THRB: variants seen among roughly 807,000 people sequenced by gnomAD.
THRB encodes the protein nuclear receptor subfamily 1 group A member 2.
In THRB, 12 loss-of-function variants were observed where a neutral mutation model predicts 47.8. The ratio of observed to expected loss-of-function variants is 0.25; its 90% CI spans 0.16 to 0.41. THRB has a LOEUF of 0.41. THRB is among the 10% of genes least tolerant of loss of function. The pLI, the probability that THRB is intolerant of heterozygous loss-of-function variation, is 1.00. For synonymous variants in THRB, 218 were observed against 212.2 expected (o/e 1.03, Z -0.24); for missense variants, 348 against 589.2 (o/e 0.59, Z 4.24).
At chr3:24,310,667 T>C (rs1423862898) in intron 2 of THRB, among the ~76,000 whole-genome samples, 2 of 152,170 alleles carry the variant, frequency 1.3e-5, no homozygotes, top group African/African-American at 4.8e-5. Flanking sequence ...GATTCTCAAC[T>C]AGGGGAAATT....
chr3:24,204,941 G>T (rs1282201046), intron 4 of THRB, among the ~76,000 whole-genome samples: 2 of 152,154 alleles, frequency 1.3e-5, no homozygotes, highest in Non-Finnish European at 2.9e-5. Context: ...AGCAAGAAGA[G>T]AAGTTTAGAG....
chr3:24,353,693 T>TA (rs1192068224), intron 1 of THRB, among the ~76,000 whole-genome samples: 1 of 152,048 alleles, frequency 6.6e-6, no homozygotes, highest in African/African-American at 2.4e-5. Context: ...TTCCATATGA[T>TA]AAAAACAAAA....
rs1445007963 is a variant in THRB at position 24,143,484 on chromosome 3, G to C, written c.738+17C>G. The C allele has an allele frequency of 1.9e-6, 3 of 1,613,076 alleles. No homozygotes were observed. The highest frequency in any genetic ancestry group is 2.7e-5 in the African/African-American group (2 of 75,028). On this transcript the variant is annotated intron_variant, in intron 8 of 10. Transcript: ENST00000646209. Reference sequence around the variant, plus strand: ...ACTGGCATATAAGTGAAACTGATCTGTGCAAGGAAGCCTTACCAGGAATTT... The same window carrying C: ...ACTGGCATATAAGTGAAACTGATCTCTGCAAGGAAGCCTTACCAGGAATTT...
intron 4 of THRB, among the ~76,000 whole-genome samples, chr3:24,199,580 T>A (rs906721813): frequency 6.6e-6 from 1 of 152,240 alleles, no homozygotes; most frequent in Admixed American, 6.5e-5. Flanking sequence ...CTGGTTTTCC[T>A]GTATATTCCA....
intron 1 of THRB, among the ~76,000 whole-genome samples, chr3:24,398,392 A>C (rs1036503560): frequency 1.8e-4 from 27 of 152,222 alleles, no homozygotes; most frequent in Non-Finnish European, 2.4e-4. Flanking sequence ...CAAGAAAAAA[A>C]CAACCCCATC....
chr3:24,492,770 T>G (rs1481496587), intron 1 of THRB, among the ~76,000 whole-genome samples: 5 of 152,260 alleles, frequency 3.3e-5, no homozygotes, highest in South Asian at 2.1e-4. Context: ...CATGGAATAT[T>G]CATTCCTCTA....
chr3:24,465,985 A>G (rs2074121171), intron 1 of THRB, among the ~76,000 whole-genome samples: 1 of 152,064 alleles, frequency 6.6e-6, no homozygotes, highest in African/African-American at 2.4e-5. Flanking sequence ...CTCTTTATTT[A>G]TGAGAAGGGA....
intron 4 of THRB, among the ~76,000 whole-genome samples, chr3:24,207,498 A>G (rs566286291): frequency 4.3e-4 from 66 of 152,178 alleles, no homozygotes; most frequent in Non-Finnish European, 7.8e-4. Context: ...ACATATCTCA[A>G]AATAATAAGA....
At chr3:24,247,049 G>A (rs1332395991) in intron 3 of THRB, among the ~76,000 whole-genome samples, 2 of 152,198 alleles carry the variant, frequency 1.3e-5, no homozygotes, top group Non-Finnish European at 2.9e-5. Context: ...TGTGTTTCTG[G>A]AGTCACTTCT....
chr3:24,407,472 C>T (rs1033051101), intron 1 of THRB, among the ~76,000 whole-genome samples: 15 of 151,770 alleles, frequency 9.9e-5, no homozygotes, highest in African/African-American at 3.4e-4. Flanking sequence ...TTATGATTTG[C>T]AATTCTAGTG....
At chr3:24,292,333 C>A (rs916668592) in intron 3 of THRB, among the ~76,000 whole-genome samples, 1 of 152,154 alleles carries the variant, frequency 6.6e-6, no homozygotes, top group Non-Finnish European at 1.5e-5. Context: ...ACATGGATTG[C>A]TTTTACTAAA....
At chr3:24,288,027 C>G (rs1220486121) in intron 3 of THRB, among the ~76,000 whole-genome samples, 2 of 152,356 alleles carry the variant, frequency 1.3e-5, no homozygotes, top group African/African-American at 4.8e-5. Context: ...GAATAGGATT[C>G]TGATTTGGTA....
At chr3:24,141,703 TG>T (rs1243793091) in intron 8 of THRB, among the ~76,000 whole-genome samples, 2 of 152,196 alleles carry the variant, frequency 1.3e-5, no homozygotes, top group Non-Finnish European at 1.5e-5. Flanking sequence ...CCCTTCTCTA[TG>T]GGGAGTAAAG....
chr3:24,239,758 G>A (rs2049287006), intron 3 of THRB, among the ~76,000 whole-genome samples: 1 of 152,052 alleles, frequency 6.6e-6, no homozygotes, highest in African/African-American at 2.4e-5. Flanking sequence ...TGTATTTCCT[G>A]CAATGTGATG....
intron 8 of THRB, among the ~76,000 whole-genome samples, chr3:24,143,089 G>T (rs2035653296): frequency 6.6e-6 from 1 of 152,030 alleles, no homozygotes; most frequent in South Asian, 2.1e-4. Flanking sequence ...AGGCCTAGAG[G>T]CTATTATAAA....
At chr3:24,290,792 A>T in intron 3 of THRB, among the ~76,000 whole-genome samples, 1 of 152,358 alleles carries the variant, frequency 6.6e-6, no homozygotes, top group African/African-American at 2.4e-5. Flanking sequence ...ACCCCAAAGC[A>T]GTCGTCTAGC....
chr3:24,227,964 C>T lies in THRB; in HGVS notation c.22+974G>A, dbSNP rs901558306. ...GACATATTTCGACTGAGCCATAAGT[C>T]TATAAAATTTTTATAAGTTATTTGC... is the stretch of plus-strand genomic sequence containing the variant. On this transcript the variant is annotated intron_variant, in intron 4 of 10. Coordinates refer to ENST00000646209, the MANE Select transcript of THRB (RefSeq NM_001354712.2). 2.0e-5 allele frequency among the ~76,000 whole-genome samples: 3 copies of T among 152,094 alleles called. No homozygotes were observed. The South Asian group carries it at 6.2e-4, about 32-fold the overall frequency.
chr3:24,446,693 T>C (rs533820175), intron 1 of THRB, among the ~76,000 whole-genome samples: 1 of 152,348 alleles, frequency 6.6e-6, no homozygotes, highest in East Asian at 1.9e-4. Flanking sequence ...CCATATCATT[T>C]GATCACTCAA....
intron 5 of THRB, among the ~76,000 whole-genome samples, chr3:24,168,948 G>T (rs1300328401): frequency 6.6e-6 from 1 of 152,088 alleles, no homozygotes; most frequent in African/African-American, 2.4e-5. Flanking sequence ...GGAAGAGTAT[G>T]TAGGACATCA....
Sources: allele counts gnomAD v4.1 joint callset (sites outside exome capture counted in the v4.1 genomes callset), GRCh38; gene constraint gnomAD v4.1.1; transcripts MANE v1.5; gene names NCBI Gene and HGNC (gene_info 2026-07-23, HGNC 2026-07-21).